ELMO1: variants seen among roughly 807,000 people sequenced by gnomAD.
ELMO1 encodes the protein engulfment and cell motility 1.
A neutral mutation model predicts 98.9 loss-of-function variants in ELMO1; 26 were observed. The ratio of observed to expected loss-of-function variants is 0.26; its 90% CI spans 0.19 to 0.36. The LOEUF (loss-of-function observed/expected upper bound fraction) is 0.36, where lower values mean the gene tolerates loss of function less well. ELMO1 is among the 10% of genes least tolerant of loss of function. The pLI is 1.00. For missense variants in ELMO1, 627 were observed against 935.2 expected (o/e 0.67, Z 4.30); for synonymous variants, 346 against 346.0 (o/e 1.00, Z 0.00).
chr7:37,256,724 GGGGAAGGGAAGGGAA>G (rs147352052), intron 6 of ELMO1, among the ~76,000 whole-genome samples: 32,780 of 115,108 alleles, frequency 0.28, 5,034 homozygotes, highest in African/African-American at 0.39. Flanking sequence ...AGAGGGGCAG[GGGGAAGGGAAGGGAA>G]GGGAAGGGAA....
At position 37,075,011 on chromosome 7, in the gene ELMO1, C is replaced by T. The variant is rs1167833768; in HGVS notation, c.1300+21608G>A. On this transcript the variant is annotated intron_variant, in intron 15 of 21. Transcript: ENST00000310758. ...CCTGAAATTGCTTTCTCATGCCGCACTTATTCCCATTCCCTGGATTGTGTG... is the reference window on the plus strand; with the variant it reads ...CCTGAAATTGCTTTCTCATGCCGCATTTATTCCCATTCCCTGGATTGTGTG... Among the ~76,000 whole-genome samples, 3 of 152,184 alleles carry T rather than the reference C, an allele frequency of 2.0e-5. No individual in the cohort carries two copies. In the East Asian group the frequency reaches 5.8e-4, roughly 29 times the overall value.
At chr7:36,899,856 A>T (rs550178463) in intron 16 of ELMO1, among the ~76,000 whole-genome samples, 1 of 151,966 alleles carries the variant, frequency 6.6e-6, no homozygotes, top group South Asian at 2.1e-4. Flanking sequence ...TAGTAATAAT[A>T]CGAAATTCAC....
chr7:36,966,234 AAT>A (rs1440827762), intron 16 of ELMO1, among the ~76,000 whole-genome samples: 1 of 152,256 alleles, frequency 6.6e-6, no homozygotes, highest in Non-Finnish European at 1.5e-5. Context: ...GAATTCTGCC[AAT>A]ATGAGTTTAA....
chr7:36,961,331 A>G (rs1377955327), intron 16 of ELMO1, among the ~76,000 whole-genome samples: 1 of 152,198 alleles, frequency 6.6e-6, no homozygotes, highest in African/African-American at 2.4e-5. Context: ...AGACAGAGAC[A>G]GTCTTTGTGG....
chr7:36,985,852 T>G, intron 16 of ELMO1: 1 of 970,746 alleles, frequency 1.0e-6, no homozygotes, highest in Non-Finnish European at 1.2e-6. Context: ...CGGCAGACAA[T>G]AGGACAAAGC....
At chr7:36,990,286 G>C (rs141352460) in intron 16 of ELMO1, among the ~76,000 whole-genome samples, 1 of 152,196 alleles carries the variant, frequency 6.6e-6, no homozygotes, top group Admixed American at 6.5e-5. Context: ...GCCTCAAAAA[G>C]AGGGAAACCT....
chr7:37,049,986 G>T (rs1364562444), intron 15 of ELMO1, among the ~76,000 whole-genome samples: 1 of 151,904 alleles, frequency 6.6e-6, no homozygotes, highest in Non-Finnish European at 1.5e-5. Flanking sequence ...CTCCATGTTG[G>T]TCAGGCTGGT....
At chr7:37,355,117 A>G (rs1801445630) in intron 1 of ELMO1, among the ~76,000 whole-genome samples, 1 of 152,170 alleles carries the variant, frequency 6.6e-6, no homozygotes. Flanking sequence ...TTATTCCCAG[A>G]GGAGCACAGA....
intron 14 of ELMO1, among the ~76,000 whole-genome samples, chr7:37,107,735 TC>T (rs1412350440): frequency 1.3e-5 from 2 of 152,368 alleles, no homozygotes; most frequent in East Asian, 1.9e-4. Flanking sequence ...GTTACTGCTG[TC>T]TTAAAGCAAA....
chr7:36,980,345 G>A (rs1790938886), intron 16 of ELMO1, among the ~76,000 whole-genome samples: 1 of 152,198 alleles, frequency 6.6e-6, no homozygotes, highest in African/African-American at 2.4e-5. Flanking sequence ...GAAGGATTCT[G>A]AAGCTCGATC....
At chr7:37,308,407 C>A (rs781101822) in intron 4 of ELMO1, among the ~76,000 whole-genome samples, 2 of 152,192 alleles carry the variant, frequency 1.3e-5, no homozygotes, top group East Asian at 3.9e-4. Context: ...GATGGTCCTA[C>A]GCTGGCTTTA....
chr7:37,244,132 A>G (rs1170996463), intron 7 of ELMO1, among the ~76,000 whole-genome samples: 1 of 152,206 alleles, frequency 6.6e-6, no homozygotes, highest in East Asian at 1.9e-4. Context: ...TAGTGGTTAC[A>G]TACATAAAAT....
At chr7:36,902,512 T>G (rs1438239862) in intron 16 of ELMO1, among the ~76,000 whole-genome samples, 1 of 152,232 alleles carries the variant, frequency 6.6e-6, no homozygotes, top group Non-Finnish European at 1.5e-5. Context: ...ATGCGAAGCT[T>G]ACGGGGCATC....
chr7:37,140,432 C>CA (rs1310478117), intron 13 of ELMO1, among the ~76,000 whole-genome samples: 1 of 151,392 alleles, frequency 6.6e-6, no homozygotes, highest in East Asian at 1.9e-4. Flanking sequence ...ATAAAGATTA[C>CA]AGAAGATGAC....
chr7:36,862,818 A>T (rs184904340), intron 20 of ELMO1, among the ~76,000 whole-genome samples: 2 of 152,322 alleles, frequency 1.3e-5, no homozygotes, highest in East Asian at 3.9e-4. Flanking sequence ...CCCACAAAAC[A>T]TTCTTTCTTA....
At chr7:36,933,074 G>A (rs1204892243) in intron 16 of ELMO1, among the ~76,000 whole-genome samples, 1 of 152,162 alleles carries the variant, frequency 6.6e-6, no homozygotes, top group Non-Finnish European at 1.5e-5. Context: ...ATGATAGAGG[G>A]ACAACGAGGT....
intron 14 of ELMO1, among the ~76,000 whole-genome samples, chr7:37,105,290 A>C (rs1319830245): frequency 6.6e-6 from 1 of 152,202 alleles, no homozygotes; most frequent in Non-Finnish European, 1.5e-5. Flanking sequence ...AACATTACTG[A>C]GGGAAGCCAA....
At chr7:37,418,937 C>T (rs552042179) in intron 1 of ELMO1, among the ~76,000 whole-genome samples, 3 of 152,150 alleles carry the variant, frequency 2.0e-5, no homozygotes, top group East Asian at 3.9e-4. Flanking sequence ...TAAGCAGCTA[C>T]GGAACATGAG....
chr7:36,920,528 A>G (rs1009382246), intron 16 of ELMO1, among the ~76,000 whole-genome samples: 11 of 152,178 alleles, frequency 7.2e-5, no homozygotes, highest in Non-Finnish European at 1.6e-4. Context: ...CTCTCACCCA[A>G]TACATTAATT....
Sources: allele counts gnomAD v4.1 joint callset (sites outside exome capture counted in the v4.1 genomes callset), GRCh38; gene constraint gnomAD v4.1.1; transcripts MANE v1.5; gene names NCBI Gene and HGNC (gene_info 2026-07-23, HGNC 2026-07-21).